Variants in LANCL3 observed in about 807,000 individuals in gnomAD.
LANCL3 encodes LanC like family member 3.
In LANCL3, 19 loss-of-function variants were observed where a neutral mutation model predicts 26.5. The ratio of observed to expected loss-of-function variants is 0.72; its 90% confidence interval spans 0.50 to 1.05. The LOEUF is 1.05. Ranked by LOEUF, LANCL3 falls within the 50% of genes least tolerant of loss-of-function variation. The pLI is 0.00. For missense variants in LANCL3, 318 were observed against 362.7 expected (o/e 0.88, Z 1.00); for synonymous variants, 160 against 166.6 (o/e 0.96, Z 0.30).
Position 37,585,692 on chromosome X carries a change from C to G in LANCL3, c.573+13249C>G, listed in dbSNP as rs782248034. On this transcript the variant is annotated intron_variant, in intron 1 of 4. Coordinates refer to ENST00000378619, the MANE Select transcript of LANCL3 (RefSeq NM_001170331.2). ...CTTTATTTTGAGCCTATGTGTGTCT[C>G]TGCATGTGAGATGGGTTTCCTGAAT... 2.7e-5 allele frequency among the ~76,000 whole-genome samples: 3 copies of G among 111,560 alleles called. No individual in the cohort carries two copies. The East Asian group carries it at 8.4e-4, about 31-fold the overall frequency.
At chrX:37,572,541 C>T in intron 1 of LANCL3, 98 bp downstream of exon 1, 1 of 727,434 alleles carries the variant, frequency 1.4e-6, no homozygotes, top group Non-Finnish European at 2.0e-6. Context: ...GAGTTGCTCT[C>T]CAAGTCTTTG....
intron 1 of LANCL3, among the ~76,000 whole-genome samples, chrX:37,613,211 T>A (rs1924927393): frequency 9.1e-6 from 1 of 110,061 alleles, no homozygotes; most frequent in South Asian, 3.9e-4. Context: ...GACATCATGT[T>A]ACATATGTTT....
At chrX:37,654,413 T>A (rs1452259580) in intron 1 of LANCL3, among the ~76,000 whole-genome samples, 1 of 112,451 alleles carries the variant, frequency 8.9e-6, no homozygotes. Flanking sequence ...ACGGACTTTT[T>A]ATTGATCCCA....
chrX:37,613,474 G>A (rs1275332341), intron 1 of LANCL3, among the ~76,000 whole-genome samples: 2 of 111,831 alleles, frequency 1.8e-5, no homozygotes, highest in Non-Finnish European at 3.8e-5. Context: ...TTGGTTAAAT[G>A]TGCATACTTT....
chrX:37,630,746 A>G, intron 1 of LANCL3, among the ~76,000 whole-genome samples: 1 of 110,440 alleles, frequency 9.1e-6, no homozygotes. Context: ...TACATGCTGG[A>G]TTACATTTAT....
intron 1 of LANCL3, among the ~76,000 whole-genome samples, chrX:37,573,393 G>A (rs1923655874): frequency 8.9e-6 from 1 of 112,051 alleles, no homozygotes; most frequent in African/African-American, 3.3e-5. Context: ...ATTTAGGTGA[G>A]AAAGGCGTTT....
At chrX:37,617,245 G>A (rs1297550703) in intron 1 of LANCL3, among the ~76,000 whole-genome samples, 1 of 111,075 alleles carries the variant, frequency 9.0e-6, no homozygotes, top group African/African-American at 3.3e-5. Context: ...AGTGCATTTG[G>A]CTGTAACAGA....
rs1180012510 is a variant in LANCL3 at position 37,677,467 on chromosome X, A to G, written c.*1654A>G. The G allele has an allele frequency of 2.7e-5, 3 of 111,970 alleles. No individual in the cohort carries two copies. The highest frequency in any genetic ancestry group is 9.7e-5 in the African/African-American group (3 of 30,781). The allele number at this position is 111,970 out of a possible 1,213,427, so 9.2% of individuals were successfully genotyped here. ...ACTGTGTGTGTTTGCACTCATTGCA[A>G]TAAAGTAGGACAAAATGATTTTGAA... On this transcript the variant is annotated 3_prime_UTR_variant, in exon 5 of 5. Transcript: ENST00000378619.
chrX:37,597,224 C>T (rs1332846457), intron 1 of LANCL3, among the ~76,000 whole-genome samples: 1 of 111,710 alleles, frequency 9.0e-6, no homozygotes, highest in Non-Finnish European at 1.9e-5. Flanking sequence ...CATATTTTAC[C>T]CATTTGTCAG....
rs1282266869 is a variant in LANCL3, at chrX:37,632,481, T to G, written c.574-23207T>G. On this transcript the variant is annotated intron_variant, in intron 1 of 4. Coordinates refer to ENST00000378619, the MANE Select transcript of LANCL3 (RefSeq NM_001170331.2). ...TAAAGTTAATATTGTTATGTGTGAA[T>G]TTGATCCTGTCATTGTGATGTTAGC... 4.5e-5 allele frequency among the ~76,000 whole-genome samples: 5 copies of G among 111,163 alleles called. No homozygotes were observed. The East Asian group carries it at 1.4e-3, about 31-fold the overall frequency.
chrX:37,600,084 C>T (rs1556419876), intron 1 of LANCL3, among the ~76,000 whole-genome samples: 1 of 111,937 alleles, frequency 8.9e-6, no homozygotes, highest in Admixed American at 9.5e-5. Context: ...AGTAGCCCCC[C>T]CTTATCCTCA....
rs144951142 is a variant in LANCL3 at position 37,626,367 on chromosome X, G to A, written c.574-29321G>A. Among the ~76,000 whole-genome samples, 345 of 112,199 alleles carry A rather than the reference G, an allele frequency of 3.1e-3. 1 individual carries two copies. Among genetic ancestry groups the A allele is most frequent in the African/African-American group, 0.011 (332 of 30,935 alleles). ...TCTAAGCTTCTCCCAGAAGATAGGTGTGTGATTTAATATTGGCATTCCATG... is the reference window on the plus strand; with the variant it reads ...TCTAAGCTTCTCCCAGAAGATAGGTATGTGATTTAATATTGGCATTCCATG... On this transcript the variant is annotated intron_variant, in intron 1 of 4. Transcript: ENST00000378619.
chrX:37,651,323 A>T (rs782645906), intron 1 of LANCL3, among the ~76,000 whole-genome samples: 1 of 112,099 alleles, frequency 8.9e-6, no homozygotes, highest in Non-Finnish European at 1.9e-5. Flanking sequence ...CCACAATGAA[A>T]AAAACCATTA....
chrX:37,584,039 T>A (rs1415380250), intron 1 of LANCL3, among the ~76,000 whole-genome samples: 1 of 111,969 alleles, frequency 8.9e-6, no homozygotes, highest in East Asian at 2.8e-4. Flanking sequence ...GGCTGTTTAA[T>A]TTTGTCAAAG....
intron 1 of LANCL3, among the ~76,000 whole-genome samples, chrX:37,585,704 T>G (rs1328837608): frequency 5.4e-5 from 6 of 111,679 alleles, no homozygotes; most frequent in African/African-American, 1.6e-4. Context: ...GCATGTGAGA[T>G]GGGTTTCCTG....
At chrX:37,672,530 C>A (rs1168105081) in intron 4 of LANCL3, among the ~76,000 whole-genome samples, 1 of 111,888 alleles carries the variant, frequency 8.9e-6, no homozygotes, top group Non-Finnish European at 1.9e-5. Flanking sequence ...AGGGTCAGGT[C>A]TTTTTATGCA....
At chrX:37,671,056 A>G (rs1926672905) in intron 4 of LANCL3, among the ~76,000 whole-genome samples, 1 of 111,738 alleles carries the variant, frequency 8.9e-6, no homozygotes, top group Non-Finnish European at 1.9e-5. Flanking sequence ...TTTTTCATAT[A>G]AATATAGATT....
chrX:37,601,561 A>G (rs1222234984), intron 1 of LANCL3, among the ~76,000 whole-genome samples: 10 of 112,191 alleles, frequency 8.9e-5, no homozygotes, highest in Non-Finnish European at 1.7e-4. Context: ...CAGTGCCTTA[A>G]AATAGGGTTA....
intron 1 of LANCL3, among the ~76,000 whole-genome samples, chrX:37,575,792 C>T (rs1249528102): frequency 6.3e-5 from 7 of 111,656 alleles, no homozygotes; most frequent in Non-Finnish European, 1.3e-4. Context: ...ATACCTGCCA[C>T]CTCTATTAAG....
Sources: gnomAD v4.1 joint callset for allele counts (sites outside exome capture counted in the v4.1 genomes callset) on GRCh38, gnomAD v4.1.1 for gene constraint, MANE v1.5 for transcripts, NCBI Gene and HGNC (gene_info 2026-07-23, HGNC 2026-07-21) for gene names.